The following EYS variants were observed in gnomAD, a reference collection of about 807,000 sequenced individuals.
EYS encodes the protein protein eyes shut homolog.
In EYS, 250 loss-of-function variants were observed where a neutral mutation model predicts 282.1. The ratio of observed to expected loss-of-function variants is 0.89; its 90% confidence interval spans 0.80 to 0.98. EYS has a LOEUF of 0.98. EYS is among the 50% of genes least tolerant of loss of function. The pLI, the probability that EYS is intolerant of heterozygous loss-of-function variation, is 0.00. For missense variants in EYS, 4,016 were observed against 3,709.0 expected (o/e 1.08, Z -2.15); for synonymous variants, 1,355 against 1,282.9 (o/e 1.06, Z -1.20).
intron 11 of EYS, among the ~76,000 whole-genome samples, chr6:65,299,919 T>G (rs1377738553): frequency 1.3e-5 from 2 of 152,114 alleles, no homozygotes; most frequent in African/African-American, 4.8e-5. Flanking sequence ...CACCAAGCCC[T>G]TATATCATTC....
chr6:65,047,109 T>G (rs1025744674), intron 13 of EYS, among the ~76,000 whole-genome samples: 1 of 151,770 alleles, frequency 6.6e-6, no homozygotes, highest in Non-Finnish European at 1.5e-5. Context: ...TTTTTTTTTT[T>G]TATAAACTAC....
At chr6:64,706,195 A>G (rs1207443942) in intron 22 of EYS, among the ~76,000 whole-genome samples, 1 of 152,098 alleles carries the variant, frequency 6.6e-6, no homozygotes, top group Non-Finnish European at 1.5e-5. Flanking sequence ...ATCTTCAACA[A>G]AGCAAACAAA....
chr6:64,261,031 T>A (rs1355399396), intron 30 of EYS, among the ~76,000 whole-genome samples: 1 of 151,976 alleles, frequency 6.6e-6, no homozygotes, highest in Non-Finnish European at 1.5e-5. Flanking sequence ...GTTCGGAATA[T>A]TCCAATTCTA....
At chr6:64,374,904 A>G (rs936184756) in intron 29 of EYS, among the ~76,000 whole-genome samples, 1 of 152,292 alleles carries the variant, frequency 6.6e-6, no homozygotes, top group East Asian at 1.9e-4. Context: ...CTTTGCTGAG[A>G]CACGTAAATG....
intron 26 of EYS, among the ~76,000 whole-genome samples, chr6:64,449,055 T>G (rs1775221509): frequency 1.3e-5 from 2 of 152,078 alleles, no homozygotes; most frequent in East Asian, 1.9e-4. Flanking sequence ...ATCAAACTAC[T>G]CTGAGCTAAA....
intron 12 of EYS, among the ~76,000 whole-genome samples, chr6:65,279,192 A>T (rs191353724): frequency 0.023 from 3,329 of 143,798 alleles, 111 homozygotes; most frequent in African/African-American, 0.078. Context: ...CTGGCTCTAT[A>T]AAAAAAAATA....
intron 13 of EYS, among the ~76,000 whole-genome samples, chr6:65,032,651 A>C (rs115911047): frequency 0.012 from 1,850 of 152,106 alleles, 41 homozygotes; most frequent in African/African-American, 0.041. Flanking sequence ...AGCCTGCAGA[A>C]CGGTGAGCTA....
chr6:65,337,393 A>T (rs1438529967), intron 10 of EYS, among the ~76,000 whole-genome samples: 1 of 151,410 alleles, frequency 6.6e-6, no homozygotes. Flanking sequence ...CATCCAGAGG[A>T]TATTAGTTGT....
At chr6:63,894,345 C>T (rs321512) in intron 35 of EYS, among the ~76,000 whole-genome samples, 78,571 of 151,800 alleles carry the variant, frequency 0.52, 22,273 homozygotes, top group East Asian at 0.63. Flanking sequence ...GAACTTCAGA[C>T]AGACAGACGC....
rs922328195 is a variant in EYS at position 65,603,574 on chromosome 6, A to T, written c.-333+36204T>A. Among the ~76,000 whole-genome samples the T allele has an allele frequency of 8.5e-5, 13 of 152,078 alleles. No homozygotes were observed. The South Asian group carries it at 2.3e-3, about 27-fold the overall frequency. The stretch of plus-strand genomic sequence containing the variant: ...TTGAAATGAAAATAATAGAAGCTTA[A>T]TACATTAACCTGGAAACACTTTATA... On this transcript the variant is annotated intron_variant, in intron 2 of 42. Transcript: ENST00000503581.
intron 5 of EYS, among the ~76,000 whole-genome samples, chr6:65,438,377 C>T (rs111683179): frequency 1.1e-4 from 16 of 151,994 alleles, no homozygotes; most frequent in Admixed American, 2.6e-4. Context: ...TACCCAGTAA[C>T]GGGATGGCTG....
At chr6:65,603,409 T>C (rs993894321) in intron 2 of EYS, among the ~76,000 whole-genome samples, 2 of 152,004 alleles carry the variant, frequency 1.3e-5, no homozygotes, top group African/African-American at 4.8e-5. Context: ...CTGTAAGGTG[T>C]ATGAGGTCCT....
intron 30 of EYS, among the ~76,000 whole-genome samples, chr6:64,245,555 T>A (rs1240485386): frequency 1.3e-5 from 2 of 152,220 alleles, no homozygotes; most frequent in Non-Finnish European, 2.9e-5. Context: ...AAAATAAGCA[T>A]AACTTTAAAA....
chr6:63,729,327 A>T (rs540593711), intron 41 of EYS, among the ~76,000 whole-genome samples: 1 of 152,194 alleles, frequency 6.6e-6, no homozygotes, highest in East Asian at 1.9e-4. Context: ...TTTTAATGAA[A>T]TCTAATTTAT....
chr6:64,560,772 C>T (rs994148616), intron 26 of EYS, among the ~76,000 whole-genome samples: 1 of 152,010 alleles, frequency 6.6e-6, no homozygotes, highest in African/African-American at 2.4e-5. Context: ...TTTCTCCAAA[C>T]TTTGTCTAAA....
At chr6:65,131,632 C>T (rs958909844) in intron 12 of EYS, among the ~76,000 whole-genome samples, 3 of 151,602 alleles carry the variant, frequency 2.0e-5, no homozygotes, top group African/African-American at 7.3e-5. Flanking sequence ...TGTTAGATCT[C>T]AAAGTAACTA....
intron 30 of EYS, among the ~76,000 whole-genome samples, chr6:64,241,366 T>C (rs1766822249): frequency 6.6e-6 from 1 of 152,152 alleles, no homozygotes; most frequent in African/African-American, 2.4e-5. Flanking sequence ...CATGAACCCA[T>C]CTGGTTTTGG....
chr6:65,150,161 G>A (rs1318809168), intron 12 of EYS, among the ~76,000 whole-genome samples: 2 of 151,902 alleles, frequency 1.3e-5, no homozygotes, highest in African/African-American at 4.8e-5. Context: ...GCACAGCCAA[G>A]CCATATCACC....
intron 12 of EYS, among the ~76,000 whole-genome samples, chr6:65,079,890 A>T (rs1774178815): frequency 6.6e-6 from 1 of 152,096 alleles, no homozygotes. Flanking sequence ...AGAAAATTTG[A>T]TGGGGCTTGA....
Sources: gnomAD v4.1 joint callset for allele counts (sites outside exome capture counted in the v4.1 genomes callset) on GRCh38, gnomAD v4.1.1 for gene constraint, MANE v1.5 for transcripts, NCBI Gene and HGNC (gene_info 2026-07-23, HGNC 2026-07-21) for gene names.